TRIQK: variants seen among roughly 807,000 people sequenced by gnomAD.
TRIQK encodes triple QxxK/R motif-containing protein.
A neutral mutation model predicts 10.8 loss-of-function variants in TRIQK; 10 were observed. The observed-to-expected ratio is 0.92, with a 90% CI of 0.57 to 1.57. TRIQK has a LOEUF of 1.57. TRIQK is among the 40% of genes most tolerant of loss of function. The pLI, the probability that TRIQK is intolerant of heterozygous loss-of-function variation, is 0.00. For missense variants in TRIQK, 107 were observed against 97.7 expected (o/e 1.09, Z -0.40); for synonymous variants, 33 against 33.7 (o/e 0.98, Z 0.07).
chr8:92,944,556 T>C (rs1811425732), intron 2 of TRIQK, among the ~76,000 whole-genome samples: 1 of 152,134 alleles, frequency 6.6e-6, no homozygotes, highest in South Asian at 2.1e-4. Flanking sequence ...CTGGCACTCA[T>C]GGCAACATAG....
At chr8:92,902,336 T>G (rs907263920) in intron 3 of TRIQK, among the ~76,000 whole-genome samples, 1 of 152,168 alleles carries the variant, frequency 6.6e-6, no homozygotes, top group African/African-American at 2.4e-5. Context: ...TTCTTCCCTG[T>G]GTGGCTTTCC....
At chr8:93,009,220 C>A (rs1250514171) in intron 1 of TRIQK, among the ~76,000 whole-genome samples, 1 of 152,034 alleles carries the variant, frequency 6.6e-6, no homozygotes, top group Non-Finnish European at 1.5e-5. Context: ...ACAACAGGTA[C>A]ATGAAAAAAT....
chr8:92,892,045 T>C lies in TRIQK; in HGVS notation c.91A>G (p.Ile31Val), dbSNP rs1206558727. 5 of 1,533,132 alleles carry C rather than the reference T, an allele frequency of 3.3e-6. No homozygotes were observed. In the South Asian group the frequency reaches 3.6e-5, roughly 11 times the overall value. 95.0% of individuals were successfully genotyped at this position (1,533,132 alleles called of 1,614,324 possible). A position where few individuals can be genotyped will look rare whatever the true frequency, so the allele number is the denominator to read the frequency against. Reference sequence around the variant, plus strand: ...GCTTTTAATTTGGTTGCTCGTAAAATAGGTTTAGTTTTTTTATAATCCTGT... The same window carrying C: ...GCTTTTAATTTGGTTGCTCGTAAAACAGGTTTAGTTTTTTTATAATCCTGT... The part of the protein sequence containing the change: ...GKQDYKKTKP[I>V]LRATKLKAEA... The change falls in exon 4 of 5, where the codon ATT (isoleucine) becomes GTT (valine). Residue 31 changes from isoleucine (I) to valine (V), a missense_variant. Physicochemically the swap from Ile to Val is conservative, Grantham distance 29. Transcript: ENST00000521988.
Position 93,011,226 on chromosome 8 carries a change from G to A in TRIQK, c.-181+6383C>T, listed in dbSNP as rs558575002. Among the ~76,000 whole-genome samples the A allele has an allele frequency of 8.6e-5, 12 of 138,854 alleles. 1 individual carries two copies. In the South Asian group the frequency reaches 2.8e-3, roughly 33 times the overall value. 91.1% of individuals were successfully genotyped at this position (138,854 alleles called of 152,430 possible). On this transcript the variant is annotated intron_variant, in intron 1 of 4. Transcript: ENST00000520686. ...CACACATATATATATATATATACAG[G>A]AGGTATTTCTGTTGACCCATTTAAT...
intron 3 of TRIQK, among the ~76,000 whole-genome samples, chr8:92,914,812 A>T (rs1809744824): frequency 6.6e-6 from 1 of 152,096 alleles, no homozygotes; most frequent in South Asian, 2.1e-4. Context: ...TAGTATGGAG[A>T]TTCCTCTAAA....
intron 1 of TRIQK, among the ~76,000 whole-genome samples, chr8:92,999,796 G>C (rs1813189791): frequency 6.6e-6 from 1 of 152,096 alleles, no homozygotes; most frequent in African/African-American, 2.4e-5. Context: ...TATTTGATGA[G>C]AGTAATTTTT....
intron 3 of TRIQK, among the ~76,000 whole-genome samples, chr8:92,897,576 C>T (rs751099400): frequency 6.6e-6 from 1 of 152,056 alleles, no homozygotes; most frequent in Non-Finnish European, 1.5e-5. Flanking sequence ...TTATTCTTCC[C>T]CATTAGGATG....
chr8:92,973,769 A>G (rs1812900518), intron 1 of TRIQK: 2 of 152,228 alleles, frequency 1.3e-5, no homozygotes, highest in South Asian at 2.1e-4. Context: ...TGAGCCGCAC[A>G]GTACATTCCG....
chr8:92,933,584 T>C (rs1810839514), intron 2 of TRIQK, among the ~76,000 whole-genome samples: 1 of 152,082 alleles, frequency 6.6e-6, no homozygotes. Flanking sequence ...TATGACTGTC[T>C]GCAAAATGGG....
At chr8:92,889,934 A>C (rs1816676181) in intron 4 of TRIQK, among the ~76,000 whole-genome samples, 1 of 151,748 alleles carries the variant, frequency 6.6e-6, no homozygotes, top group South Asian at 2.1e-4. Context: ...TTAAATGAAG[A>C]GTATATCTAT....
At chr8:92,943,525 T>C (rs1453842584) in intron 2 of TRIQK, among the ~76,000 whole-genome samples, 1 of 151,976 alleles carries the variant, frequency 6.6e-6, no homozygotes, top group Non-Finnish European at 1.5e-5. Flanking sequence ...ATCCATACAC[T>C]TACAGCCAAC....
chr8:92,960,912 C>T (rs893886317), intron 1 of TRIQK, among the ~76,000 whole-genome samples: 6 of 152,152 alleles, frequency 3.9e-5, no homozygotes, highest in Admixed American at 1.3e-4. Context: ...AAAACTGATA[C>T]GGCTCTCATA....
At chr8:92,986,804 T>C (rs1163916627) in intron 1 of TRIQK, among the ~76,000 whole-genome samples, 1 of 152,154 alleles carries the variant, frequency 6.6e-6, no homozygotes. Flanking sequence ...GATTGGAGGC[T>C]GAGGGTGAAT....
chr8:92,981,382 C>T lies in TRIQK; in HGVS notation c.-180-26818G>A, dbSNP rs941242192. Among the ~76,000 whole-genome samples, 8 of 151,756 alleles carry T rather than the reference C, an allele frequency of 5.3e-5. No individual in the cohort carries two copies. The East Asian group carries it at 1.2e-3, about 22-fold the overall frequency. ...CTATGTCTATCTATTAGATCAAGCTCGTTGTGTTACACAAATAGTTTATAT... is the reference window on the plus strand; with the variant it reads ...CTATGTCTATCTATTAGATCAAGCTTGTTGTGTTACACAAATAGTTTATAT... On this transcript the variant is annotated intron_variant, in intron 1 of 4. Transcript: ENST00000520686.
At chr8:92,942,910 G>T (rs2130617502) in intron 2 of TRIQK, among the ~76,000 whole-genome samples, 1 of 152,100 alleles carries the variant, frequency 6.6e-6, no homozygotes, top group Non-Finnish European at 1.5e-5. Context: ...GCTCAGTCTG[G>T]TTGAACTCCT....
chr8:93,016,070 C>A (rs1183565913), intron 1 of TRIQK, among the ~76,000 whole-genome samples: 1 of 151,946 alleles, frequency 6.6e-6, no homozygotes, highest in Non-Finnish European at 1.5e-5. Context: ...TCTTGAAATC[C>A]TCATTGAAAA....
intron 1 of TRIQK, among the ~76,000 whole-genome samples, chr8:92,996,236 G>GT (rs554608519): frequency 5.3e-5 from 8 of 152,068 alleles, no homozygotes; most frequent in Non-Finnish European, 1.2e-4. Context: ...ACTACACTTG[G>GT]TGTAAGTCTT....
At chr8:92,996,316 A>G (rs565999346) in intron 1 of TRIQK, among the ~76,000 whole-genome samples, 16 of 152,126 alleles carry the variant, frequency 1.1e-4, no homozygotes, top group Admixed American at 8.5e-4. Flanking sequence ...TTATTTTCCA[A>G]TGTTCTCATG....
intron 1 of TRIQK, among the ~76,000 whole-genome samples, chr8:92,982,195 T>C (rs1812993571): frequency 6.6e-6 from 1 of 151,878 alleles, no homozygotes; most frequent in African/African-American, 2.4e-5. Context: ...AGTTTTTTAT[T>C]TGAAATCTGG....
Sources: allele counts gnomAD v4.1 joint callset (sites outside exome capture counted in the v4.1 genomes callset), GRCh38; gene constraint gnomAD v4.1.1; transcripts MANE v1.5; gene names NCBI Gene and HGNC (gene_info 2026-07-23, HGNC 2026-07-21).